Variants in TMTC1 observed in about 807,000 individuals in gnomAD.
TMTC1 encodes the protein transmembrane O-mannosyltransferase targeting cadherins 1, also known as protein O-mannosyl-transferase TMTC1.
Under a neutral mutation model 104.8 loss-of-function variants are expected in TMTC1, and 73 were observed. That is an observed-to-expected ratio of 0.70 (90% CI 0.58 to 0.85). TMTC1 has a LOEUF of 0.85. TMTC1 is among the 40% of genes least tolerant of loss of function. The pLI is 0.00. For missense variants in TMTC1, 1,035 were observed against 1,096.1 expected, an observed-to-expected ratio of 0.94 and a Z score of 0.79; for synonymous variants, 434 against 428.7, an observed-to-expected ratio of 1.01 and a Z score of -0.15.
At chr12:29,764,205 G>GT (rs1943413301) in intron 2 of TMTC1, among the ~76,000 whole-genome samples, 1 of 152,186 alleles carries the variant, frequency 6.6e-6, no homozygotes, top group Admixed American at 6.5e-5. Context: ...TTCAAATAAT[G>GT]TAACAGCAGA....
chr12:29,776,155 G>A (rs1418252305), intron 1 of TMTC1, among the ~76,000 whole-genome samples: 1 of 152,146 alleles, frequency 6.6e-6, no homozygotes, highest in Non-Finnish European at 1.5e-5. Flanking sequence ...CTATAATTCT[G>A]GGTTTTGAAG....
At chr12:29,732,391 C>T (rs79712856) in intron 5 of TMTC1, among the ~76,000 whole-genome samples, 3,678 of 152,236 alleles carry the variant, frequency 0.024, 76 homozygotes, top group East Asian at 0.078. Flanking sequence ...CATTTGGCTA[C>T]AGTAAGCCCT....
intron 10 of TMTC1, among the ~76,000 whole-genome samples, chr12:29,542,902 T>C (rs957819870): frequency 6.6e-6 from 1 of 152,108 alleles, no homozygotes; most frequent in African/African-American, 2.4e-5. Context: ...GGGGCTGTAT[T>C]GTGAATATCC....
chr12:29,752,127 CA>C (rs1423599201), intron 4 of TMTC1, among the ~76,000 whole-genome samples: 2 of 35,836 alleles, frequency 5.6e-5, no homozygotes, highest in African/African-American at 1.4e-4. Context: ...AGATGGCCAC[CA>C]ACACACACAC....
In TMTC1 at chr12:29,754,157, G is replaced by A. The variant is rs139902978; in HGVS notation, c.731+1552C>T. ...TGGGATTACAGGCGTGAGCCACCAC[G>A]CCCAGCCTAAAAGTTTCTTTAAAAA... is the stretch of plus-strand genomic sequence containing the variant. On this transcript the variant is annotated intron_variant, in intron 4 of 17. Transcript: ENST00000539277. 8.7e-5 allele frequency among the ~76,000 whole-genome samples: 12 copies of A among 138,024 alleles called. No individual in the cohort carries two copies. In the East Asian group the frequency reaches 2.0e-3, roughly 23 times the overall value. The allele number at this position is 138,024 out of a possible 152,430, so 90.5% of individuals were successfully genotyped here.
chr12:29,733,746 C>T lies in TMTC1; in HGVS notation c.938+17920G>A, dbSNP rs147548043. 3.5e-3 allele frequency among the ~76,000 whole-genome samples: 529 copies of T among 152,282 alleles called. 3 individuals are homozygous for T. Among genetic ancestry groups the T allele is most frequent in the Middle Eastern group, 0.014 (4 of 294 alleles). On this transcript the variant is annotated intron_variant, in intron 5 of 17. Coordinates refer to ENST00000539277, the MANE Select transcript of TMTC1 (RefSeq NM_001193451.2). Reference sequence around the variant, plus strand: ...AGCTTGAATCTCTTATGAGCTACTTCTCTATTCACTCATCAGTCTTTCTCT... The same window carrying T: ...AGCTTGAATCTCTTATGAGCTACTTTTCTATTCACTCATCAGTCTTTCTCT...
intron 9 of TMTC1, among the ~76,000 whole-genome samples, chr12:29,566,057 A>C (rs1212411266): frequency 1.3e-5 from 2 of 152,102 alleles, no homozygotes; most frequent in Non-Finnish European, 2.9e-5. Flanking sequence ...TGATAAATGG[A>C]GAAAAATGAA....
chr12:29,713,291 A>G (rs1347336917), intron 5 of TMTC1, among the ~76,000 whole-genome samples: 3 of 134,362 alleles, frequency 2.2e-5, no homozygotes, highest in Admixed American at 1.7e-4. Flanking sequence ...ATCTCTCTAC[A>G]TAAACACATA....
rs368774907 is a variant in TMTC1 at position 29,511,282 on chromosome 12, TCTCCTC to T, written c.2508+755_2508+760del. On this transcript the variant is annotated intron_variant, in intron 17 of 17. Transcript: ENST00000539277. ...TCCTCCTCCTCCTTGTATTAATATATCTCCTCCTCCTCCTCCTTGTATTAATATATC... is the reference window on the plus strand; with the variant it reads ...TCCTCCTCCTCCTTGTATTAATATATCTCCTCCTCCTTGTATTAATATATC... 5.6e-3 allele frequency among the ~76,000 whole-genome samples: 854 copies of T among 151,976 alleles called. 11 individuals are homozygous for T. The highest frequency in any genetic ancestry group is 0.019 in the African/African-American group (795 of 41,450).
At chr12:29,744,481 C>T (rs554106838) in intron 5 of TMTC1, among the ~76,000 whole-genome samples, 6 of 152,148 alleles carry the variant, frequency 3.9e-5, no homozygotes, top group Non-Finnish European at 8.8e-5. Context: ...TTAGAAGAAG[C>T]TTTTAGTGCT....
At chr12:29,609,137 A>G (rs1040272868) in intron 6 of TMTC1, among the ~76,000 whole-genome samples, 2 of 152,192 alleles carry the variant, frequency 1.3e-5, no homozygotes, top group South Asian at 4.1e-4. Flanking sequence ...CTCACCTCTA[A>G]ACAAGTTTCA....
chr12:29,511,068 T>C (rs967937552), intron 17 of TMTC1, among the ~76,000 whole-genome samples: 1 of 152,248 alleles, frequency 6.6e-6, no homozygotes, highest in South Asian at 2.1e-4. Context: ...TCTCAAATAC[T>C]ACTTTGTAAC....
In TMTC1 at chr12:29,724,773, C is replaced by T. The variant is rs776634176; in HGVS notation, c.938+26893G>A. On this transcript the variant is annotated intron_variant, in intron 5 of 17. Coordinates refer to ENST00000539277, the MANE Select transcript of TMTC1 (RefSeq NM_001193451.2). ...CACAAAATTCACAATAATGTTACCT[C>T]TGAGGATACTGGGAAGAGAATGGGT... Among the ~76,000 whole-genome samples the T allele has an allele frequency of 3.4e-4, 52 of 151,980 alleles. 1 individual carries two copies. The highest frequency in any genetic ancestry group is 6.3e-4 in the Non-Finnish European group (43 of 67,904).
At chr12:29,554,463 T>C (rs1945186177) in intron 10 of TMTC1, among the ~76,000 whole-genome samples, 2 of 152,086 alleles carry the variant, frequency 1.3e-5, no homozygotes, top group African/African-American at 4.8e-5. Flanking sequence ...CGTTAGCGAG[T>C]CTTTAGCAAG....
At chr12:29,618,201 T>C (rs943983031) in intron 6 of TMTC1, among the ~76,000 whole-genome samples, 3 of 152,080 alleles carry the variant, frequency 2.0e-5, no homozygotes, top group East Asian at 3.9e-4. Context: ...CCCCCAAATT[T>C]TGGCTCAGGC....
rs1943708551 is a variant in TMTC1 at position 29,506,964 on chromosome 12, G to A, written c.2531C>T (p.Ala844Val). 1 of 1,613,726 alleles carries A rather than the reference G, an allele frequency of 6.2e-7. No individual in the cohort carries two copies. The highest frequency in any genetic ancestry group is 1.7e-5 in the Admixed American group (1 of 59,998). ...HIKGKYVSAR[A>V]YYERALQLVP... ...CAGCTGTAAGGCTCTCTCATAATAA[G>A]CTCTTGCAGACACATATTTTCCCTG... Residue 844 changes from alanine to valine, a missense_variant, in exon 18 of 18, where the codon GCT (alanine) becomes GTT (valine). Transcript: ENST00000539277.
intron 6 of TMTC1, among the ~76,000 whole-genome samples, chr12:29,617,248 C>T (rs956294862): frequency 5.3e-5 from 8 of 151,894 alleles, no homozygotes; most frequent in African/African-American, 9.7e-5. Context: ...AGGCAGATGA[C>T]GAAGGGAACC....
chr12:29,587,642 T>C (rs532234185), intron 7 of TMTC1, among the ~76,000 whole-genome samples: 10 of 152,290 alleles, frequency 6.6e-5, no homozygotes, highest in African/African-American at 2.2e-4. Flanking sequence ...TAACTACAAA[T>C]TATTACAGAA....
chr12:29,780,490 G>C (rs1008130459), intron 1 of TMTC1, among the ~76,000 whole-genome samples: 1 of 152,196 alleles, frequency 6.6e-6, no homozygotes, highest in African/African-American at 2.4e-5. Flanking sequence ...ATTTGGGTGA[G>C]GGGATTATGG....
Sources: gnomAD v4.1 joint callset for allele counts (sites outside exome capture counted in the v4.1 genomes callset) on GRCh38, gnomAD v4.1.1 for gene constraint, MANE v1.5 for transcripts, NCBI Gene and HGNC (gene_info 2026-07-23, HGNC 2026-07-21) for gene names.